Variants in PEX7 observed in about 807,000 individuals in gnomAD.
PEX7 encodes the protein PTS2 receptor.
In PEX7, 34 loss-of-function variants were observed where a neutral mutation model predicts 47.5. That is an observed-to-expected ratio of 0.72 (90% CI 0.54 to 0.95). The LOEUF is 0.95. PEX7 is among the 40% of genes least tolerant of loss of function. PEX7 has a pLI of 0.00. For missense variants in PEX7, 394 were observed against 400.3 expected (o/e 0.98, Z 0.13); for synonymous variants, 141 against 148.8 (o/e 0.95, Z 0.38).
chr6:136,880,848 A>G (rs1180965663), intron 8 of PEX7, among the ~76,000 whole-genome samples: 1 of 152,226 alleles, frequency 6.6e-6, no homozygotes, highest in Non-Finnish European at 1.5e-5. Flanking sequence ...TTCTTGATTC[A>G]TTCAATACAA....
intron 5 of PEX7, among the ~76,000 whole-genome samples, chr6:136,859,586 C>G (rs546518970): frequency 9.0e-4 from 137 of 152,092 alleles, no homozygotes; most frequent in African/African-American, 3.3e-3. Flanking sequence ...CCCCAAAGTA[C>G]CCTTTTGCTA....
At chr6:136,910,292 A>G (rs1445709082) in intron 9 of PEX7, among the ~76,000 whole-genome samples, 1 of 152,202 alleles carries the variant, frequency 6.6e-6, no homozygotes, top group East Asian at 1.9e-4. Flanking sequence ...CAGTTGGGAA[A>G]ATAAGTACAA....
intron 5 of PEX7, among the ~76,000 whole-genome samples, chr6:136,858,007 G>C (rs1376634260): frequency 3.3e-5 from 5 of 152,144 alleles, no homozygotes; most frequent in Admixed American, 3.3e-4. Flanking sequence ...GTAGAGACAG[G>C]GTTTCACCAT....
Position 136,862,468 on chromosome 6 carries a change from C to T in PEX7, c.527-4159C>T, listed in dbSNP as rs561960614. Among the ~76,000 whole-genome samples, 11 of 150,534 alleles carry T rather than the reference C, an allele frequency of 7.3e-5. No homozygotes were observed. In the South Asian group the frequency reaches 2.1e-3, roughly 29 times the overall value. On this transcript the variant is annotated intron_variant, in intron 5 of 9. Coordinates refer to ENST00000318471, the MANE Select transcript of PEX7 (RefSeq NM_000288.4). ...ATGGCTCACTGCAGCCTTGACCTCC[C>T]GGACTCAAGCAGTTCTCCTACCTCA...
chr6:136,871,491 T>C (rs1267530934), intron 7 of PEX7, among the ~76,000 whole-genome samples: 1 of 152,200 alleles, frequency 6.6e-6, no homozygotes, highest in Non-Finnish European at 1.5e-5. Context: ...ATTATATAAT[T>C]ATATATTTGT....
intron 8 of PEX7, among the ~76,000 whole-genome samples, chr6:136,874,866 G>A (rs1032995232): frequency 6.6e-6 from 1 of 151,974 alleles, no homozygotes; most frequent in African/African-American, 2.4e-5. Flanking sequence ...TCAGCTGGGT[G>A]CAGTAGCTCA....
chr6:136,899,451 C>T (rs890520873), intron 9 of PEX7, among the ~76,000 whole-genome samples: 3 of 152,152 alleles, frequency 2.0e-5, no homozygotes, highest in African/African-American at 7.2e-5. Flanking sequence ...GCCATGTTGA[C>T]TAGGCTGGTC....
chr6:136,838,731 GCAGT>G (rs1290124692), intron 3 of PEX7, among the ~76,000 whole-genome samples: 2 of 152,166 alleles, frequency 1.3e-5, no homozygotes, highest in African/African-American at 4.8e-5. Context: ...GAATACTCCA[GCAGT>G]CAGTCATTCA....
chr6:136,883,770 G>A (rs1275175618), intron 8 of PEX7, among the ~76,000 whole-genome samples: 1 of 152,072 alleles, frequency 6.6e-6, no homozygotes, highest in East Asian at 1.9e-4. Context: ...TTCTTTGCTT[G>A]TTTATCTGTG....
At chr6:136,882,177 T>C (rs1775387677) in intron 8 of PEX7, among the ~76,000 whole-genome samples, 2 of 119,116 alleles carry the variant, frequency 1.7e-5, no homozygotes, top group Admixed American at 1.6e-4. Context: ...TTCTTCTTCT[T>C]TTTTTTTTTT....
intron 3 of PEX7, among the ~76,000 whole-genome samples, chr6:136,837,525 A>G (rs980407735): frequency 4.6e-5 from 7 of 152,126 alleles, no homozygotes; most frequent in African/African-American, 1.7e-4. Context: ...TTTGCACAGT[A>G]AAGATTTAGA....
chr6:136,906,913 C>A (rs2115289597), intron 9 of PEX7, among the ~76,000 whole-genome samples: 1 of 152,294 alleles, frequency 6.6e-6, no homozygotes, highest in East Asian at 1.9e-4. Flanking sequence ...TAATTCCCTT[C>A]AGTGTAGAGT....
chr6:136,876,420 A>T (rs546031914), intron 8 of PEX7, among the ~76,000 whole-genome samples: 3 of 152,120 alleles, frequency 2.0e-5, no homozygotes, highest in Non-Finnish European at 4.4e-5. Flanking sequence ...TATACGTGCT[A>T]TGGTGGTTTG....
At chr6:136,895,227 G>A (rs1354448810) in intron 8 of PEX7, among the ~76,000 whole-genome samples, 2 of 152,100 alleles carry the variant, frequency 1.3e-5, no homozygotes, top group African/African-American at 2.4e-5. Context: ...TAGAGAGTGA[G>A]AATGGGGAAA....
chr6:136,873,983 G>T (rs948565608), intron 8 of PEX7, among the ~76,000 whole-genome samples: 7 of 152,022 alleles, frequency 4.6e-5, no homozygotes, highest in Non-Finnish European at 1.0e-4. Context: ...CGTTCTTTGT[G>T]TATCATTTTC....
At chr6:136,893,926 G>A (rs1775599923) in intron 8 of PEX7, among the ~76,000 whole-genome samples, 1 of 152,122 alleles carries the variant, frequency 6.6e-6, no homozygotes, top group Non-Finnish European at 1.5e-5. Flanking sequence ...TTCACCTGTT[G>A]GCTAAATTTC....
At chr6:136,835,643 A>T (rs1309869196) in intron 3 of PEX7, among the ~76,000 whole-genome samples, 2 of 152,176 alleles carry the variant, frequency 1.3e-5, no homozygotes, top group Non-Finnish European at 2.9e-5. Flanking sequence ...GGAGCCAGAC[A>T]TCAGTATTAT....
chr6:136,857,866 G>A (rs1332164224), intron 5 of PEX7, among the ~76,000 whole-genome samples: 1 of 152,036 alleles, frequency 6.6e-6, no homozygotes, highest in Non-Finnish European at 1.5e-5. Context: ...TCTGTTGCCC[G>A]GCTGGAATGC....
At chr6:136,838,105 A>G (rs1774427348) in intron 3 of PEX7, among the ~76,000 whole-genome samples, 1 of 152,256 alleles carries the variant, frequency 6.6e-6, no homozygotes, top group African/African-American at 2.4e-5. Flanking sequence ...ACTATTTAGT[A>G]GCCCGTAATG....
Sources: allele counts gnomAD v4.1 joint callset (sites outside exome capture counted in the v4.1 genomes callset), GRCh38; gene constraint gnomAD v4.1.1; transcripts MANE v1.5; gene names NCBI Gene and HGNC (gene_info 2026-07-23, HGNC 2026-07-21).